The following ERG variants were observed in gnomAD, a reference collection of about 807,000 sequenced individuals.
ERG encodes transcriptional regulator ERG.
A neutral mutation model predicts 55.3 loss-of-function variants in ERG; 9 were observed. The observed-to-expected ratio is 0.16, with a 90% CI of 0.10 to 0.28. ERG has a LOEUF of 0.28. Ranked by LOEUF, ERG falls within the 10% of genes least tolerant of loss-of-function variation. The pLI is 1.00. For synonymous variants in ERG, 223 were observed against 237.3 expected (o/e 0.94, Z 0.55); for missense variants, 434 against 631.6 (o/e 0.69, Z 3.35).
In ERG at chr21:38,532,539, C is replaced by T. The variant is rs1040030181; in HGVS notation, c.-41+43123G>A. Among the ~76,000 whole-genome samples, 32 of 152,080 alleles carry T rather than the reference C, an allele frequency of 2.1e-4. 1 individual carries two copies. Among genetic ancestry groups the T allele is most frequent in the Admixed American group, 6.6e-5 (1 of 15,256 alleles). ...TGGCAGGGGATTCTAAAGAAGGTGC[C>T]GTATGTGAAAGGCTGGTGTGTCAGA... On this transcript the variant is annotated intron_variant, in intron 2 of 8. Coordinates refer to the ERG transcript ENST00000398897.
At chr21:38,438,506 C>T (rs2058811352) in intron 2 of ERG, among the ~76,000 whole-genome samples, 1 of 152,226 alleles carries the variant, frequency 6.6e-6, no homozygotes, top group Admixed American at 6.5e-5. Flanking sequence ...TTTCTCATCT[C>T]CATCACATGA....
chr21:38,510,080 C>T (rs968081845), intron 2 of ERG, among the ~76,000 whole-genome samples: 2 of 152,226 alleles, frequency 1.3e-5, no homozygotes, highest in Non-Finnish European at 2.9e-5. Context: ...TTCTGGGAAC[C>T]ATGGTCCTGT....
chr21:38,597,741 G>A (rs1203938379), intron 1 of ERG, among the ~76,000 whole-genome samples: 3 of 152,152 alleles, frequency 2.0e-5, no homozygotes, highest in Admixed American at 6.5e-5. Flanking sequence ...CTTCCTTCCT[G>A]AAGGGAACCC....
intron 2 of ERG, among the ~76,000 whole-genome samples, chr21:38,508,426 A>C (rs2059486553): frequency 6.6e-6 from 1 of 152,178 alleles, no homozygotes; most frequent in Non-Finnish European, 1.5e-5. Flanking sequence ...TGTAAGAACG[A>C]ATGAATGAAT....
At chr21:38,438,272 C>T (rs1412873979) in intron 2 of ERG, among the ~76,000 whole-genome samples, 1 of 152,320 alleles carries the variant, frequency 6.6e-6, no homozygotes, top group Middle Eastern at 3.4e-3. Flanking sequence ...TTAGCATTTA[C>T]CATGATCTAA....
At chr21:38,642,497 C>T (rs192994895) in intron 1 of ERG, among the ~76,000 whole-genome samples, 1 of 151,990 alleles carries the variant, frequency 6.6e-6, no homozygotes, top group East Asian at 1.9e-4. Context: ...CCCACTCAAA[C>T]TCTCACCTGC....
chr21:38,507,660 A>G (rs1268970876), intron 2 of ERG, among the ~76,000 whole-genome samples: 1 of 152,096 alleles, frequency 6.6e-6, no homozygotes, highest in Non-Finnish European at 1.5e-5. Context: ...TTCGACTTGA[A>G]CTTGGGACTC....
At chr21:38,475,047 C>T (rs1310246347) in intron 1 of ERG, among the ~76,000 whole-genome samples, 1 of 152,118 alleles carries the variant, frequency 6.6e-6, no homozygotes, top group Non-Finnish European at 1.5e-5. Context: ...AATAAGTTGC[C>T]TAGAGCATCT....
intron 6 of ERG, among the ~76,000 whole-genome samples, chr21:38,392,905 C>T (rs926333186): frequency 3.9e-5 from 6 of 152,186 alleles, no homozygotes; most frequent in Non-Finnish European, 5.9e-5. Context: ...TTTCTTCTTG[C>T]ATCTCCTGGG....
chr21:38,484,211 C>T (rs1005873843), intron 1 of ERG, among the ~76,000 whole-genome samples: 10 of 152,130 alleles, frequency 6.6e-5, no homozygotes, highest in African/African-American at 2.2e-4. Flanking sequence ...ACAATCCACC[C>T]GCCTCAACCT....
intron 1 of ERG, among the ~76,000 whole-genome samples, chr21:38,578,441 T>C (rs1185617396): frequency 6.6e-6 from 1 of 152,134 alleles, no homozygotes; most frequent in Non-Finnish European, 1.5e-5. Context: ...ATTAAAGAGG[T>C]AGAATTACTT....
intron 2 of ERG, among the ~76,000 whole-genome samples, chr21:38,539,100 C>T (rs549979722): frequency 3.2e-4 from 49 of 152,310 alleles, no homozygotes; most frequent in African/African-American, 1.1e-3. Context: ...GGCACTTTAA[C>T]GATGCTGAGG....
At position 38,548,114 on chromosome 21, in the gene ERG, G is replaced by A. The variant is rs1601224555; in HGVS notation, c.-41+27548C>T. 7.9e-5 allele frequency among the ~76,000 whole-genome samples: 12 copies of A among 152,054 alleles called. No individual in the cohort carries two copies. The South Asian group carries it at 2.5e-3, about 32-fold the overall frequency. On this transcript the variant is annotated intron_variant, in intron 2 of 8. Coordinates refer to the ERG transcript ENST00000398897. ...CTTCTAGCCCGTAAGGTCTAGCAAAGAGGAATACCTGAAAAGATGCAAATT... is the reference window on the plus strand; with the variant it reads ...CTTCTAGCCCGTAAGGTCTAGCAAAAAGGAATACCTGAAAAGATGCAAATT...
At chr21:38,396,301 G>T (rs1569063076) in intron 6 of ERG, among the ~76,000 whole-genome samples, 1 of 152,172 alleles carries the variant, frequency 6.6e-6, no homozygotes, top group Admixed American at 6.5e-5. Flanking sequence ...TCTTGCCTAG[G>T]TTTGCATATC....
intron 2 of ERG, among the ~76,000 whole-genome samples, chr21:38,531,426 G>A (rs1255091905): frequency 6.6e-6 from 1 of 152,110 alleles, no homozygotes; most frequent in Admixed American, 6.6e-5. Context: ...CAGTGTTTGA[G>A]CCCTCCTTCA....
At chr21:38,408,653 G>A (rs1360074365) in intron 3 of ERG, among the ~76,000 whole-genome samples, 1 of 152,158 alleles carries the variant, frequency 6.6e-6, no homozygotes, top group Non-Finnish European at 1.5e-5. Context: ...ACTCCATGAA[G>A]AGCCCCAGTA....
At chr21:38,513,060 G>A (rs2059525553) in intron 2 of ERG, among the ~76,000 whole-genome samples, 1 of 151,972 alleles carries the variant, frequency 6.6e-6, no homozygotes, top group Non-Finnish European at 1.5e-5. Flanking sequence ...GAACCAGGGA[G>A]TCGGAGGGTG....
At chr21:38,371,962 G>A in the ERG span, among the ~76,000 whole-genome samples, 26,499 of 151,926 alleles carry the variant, frequency 0.17, 2,443 homozygotes, top group South Asian at 0.26. Context: ...AACTGATGAA[G>A]CCATCTGACT....
intron 2 of ERG, among the ~76,000 whole-genome samples, chr21:38,425,032 T>C (rs971070222): frequency 6.6e-6 from 1 of 152,054 alleles, no homozygotes; most frequent in Non-Finnish European, 1.5e-5. Flanking sequence ...AAACAGTGAG[T>C]TGTGAAAGCT....
Sources: allele counts gnomAD v4.1 joint callset (sites outside exome capture counted in the v4.1 genomes callset), GRCh38; gene constraint gnomAD v4.1.1; transcripts MANE v1.5; gene names NCBI Gene and HGNC (gene_info 2026-07-23, HGNC 2026-07-21).